Variants in CADM1 observed in about 807,000 individuals in gnomAD.
CADM1 encodes TSLC-1.
Under a neutral mutation model 53.1 loss-of-function variants are expected in CADM1, and 15 were observed. The observed-to-expected ratio is 0.28, with a 90% CI of 0.19 to 0.44. CADM1 has a LOEUF of 0.44. Among genes scored for constraint, CADM1 ranks in the 20% least tolerant of loss-of-function variants. CADM1 has a pLI of 1.00. For synonymous variants in CADM1, 281 were observed against 243.0 expected (o/e 1.16, Z -1.45); for missense variants, 434 against 611.3 (o/e 0.71, Z 3.06).
At position 115,170,740 on chromosome 11, in the gene CADM1, T is replaced by C. The variant is rs538617925; in HGVS notation, c.*5734A>G. 6.6e-6 allele frequency: 1 copy of C among 152,212 alleles called. No homozygotes were observed. The highest frequency in any genetic ancestry group is 1.5e-5 in the Non-Finnish European group (1 of 68,056). The allele number at this position is 152,212 out of a possible 1,614,324, so 9.4% of individuals were successfully genotyped here. A position where few individuals can be genotyped will look rare whatever the true frequency, so the allele number is the denominator to read the frequency against. On this transcript the variant is annotated 3_prime_UTR_variant, in exon 12 of 12. Coordinates refer to ENST00000331581, the MANE Select transcript of CADM1 (RefSeq NM_001301043.2). ...TGCATTCTGAAGGCCCCTCACAATA[T>C]ATGATAGCAATACTAAGGCTTTGCT...
At chr11:115,340,472 C>T (rs1310995241) in intron 1 of CADM1, among the ~76,000 whole-genome samples, 5 of 142,766 alleles carry the variant, frequency 3.5e-5, no homozygotes, top group Admixed American at 2.1e-4. Context: ...ATGAAGCTTA[C>T]TCAGTTGCTG....
intron 1 of CADM1, among the ~76,000 whole-genome samples, chr11:115,380,015 T>G (rs187847028): frequency 5.9e-5 from 9 of 152,204 alleles, no homozygotes; most frequent in African/African-American, 2.2e-4. Context: ...CTATTTGAAG[T>G]CAGTTCTGAA....
At chr11:115,364,984 G>A (rs1384255990) in intron 1 of CADM1, among the ~76,000 whole-genome samples, 1 of 152,104 alleles carries the variant, frequency 6.6e-6, no homozygotes, top group Non-Finnish European at 1.5e-5. Flanking sequence ...GCTATTTGTA[G>A]ATGTTTATGG....
At chr11:115,352,303 G>A (rs1041505888) in intron 1 of CADM1, among the ~76,000 whole-genome samples, 2 of 152,120 alleles carry the variant, frequency 1.3e-5, no homozygotes, top group Non-Finnish European at 2.9e-5. Context: ...TTGTCAGCAC[G>A]GAATGATGAT....
rs149195128 is a variant in CADM1 at position 115,248,841 on chromosome 11, T to A, written c.125-8421A>T. Among the ~76,000 whole-genome samples the A allele has an allele frequency of 2.5e-3, 388 of 152,312 alleles. 2 individuals carry two copies. Among genetic ancestry groups the A allele is most frequent in the African/African-American group, 8.9e-3 (368 of 41,576 alleles). On this transcript the variant is annotated intron_variant, in intron 1 of 11. Transcript: ENST00000331581. ...TAGAAAAGCCACTATTTCATTTGTT[T>A]GTGAGATGGCATTGAAATCACCTTG...
chr11:115,383,011 C>G lies in CADM1; in HGVS notation c.124+121260G>C, dbSNP rs180891129. Among the ~76,000 whole-genome samples, 86 of 152,268 alleles carry G rather than the reference C, an allele frequency of 5.6e-4. 1 individual carries two copies. Among genetic ancestry groups the G allele is most frequent in the African/African-American group, 2.0e-3 (83 of 41,552 alleles). On this transcript the variant is annotated intron_variant, in intron 1 of 11. Coordinates refer to ENST00000331581, the MANE Select transcript of CADM1 (RefSeq NM_001301043.2). The stretch of plus-strand genomic sequence containing the variant: ...TTAAAAGCTCTCACAATAGGCTAGC[C>G]CTTCTTAAAACTCTGACATATCTTA...
At chr11:115,390,324 A>C (rs1444990598) in intron 1 of CADM1, among the ~76,000 whole-genome samples, 1 of 151,884 alleles carries the variant, frequency 6.6e-6, no homozygotes, top group Non-Finnish European at 1.5e-5. Context: ...AAGCCCAATT[A>C]TATTGGGAAA....
intron 5 of CADM1, among the ~76,000 whole-genome samples, chr11:115,228,795 G>A (rs978862180): frequency 6.6e-6 from 1 of 152,038 alleles, no homozygotes. Context: ...TAAAAAAAGG[G>A]GGAAAATTAC....
intron 7 of CADM1, among the ~76,000 whole-genome samples, chr11:115,211,998 TG>T (rs1940987868): frequency 1.3e-5 from 2 of 152,210 alleles, no homozygotes; most frequent in Non-Finnish European, 2.9e-5. Flanking sequence ...TTATCACGAC[TG>T]GGGCAACTGT....
intron 1 of CADM1, among the ~76,000 whole-genome samples, chr11:115,430,189 T>C (rs1162727289): frequency 6.6e-6 from 1 of 152,216 alleles, no homozygotes; most frequent in East Asian, 1.9e-4. Context: ...AATGCATGAC[T>C]TATTCATAAG....
At chr11:115,373,458 G>T (rs1334643209) in intron 1 of CADM1, among the ~76,000 whole-genome samples, 1 of 151,692 alleles carries the variant, frequency 6.6e-6, no homozygotes, top group Non-Finnish European at 1.5e-5. Flanking sequence ...GGTGGTGCAC[G>T]CCTGTAGTCT....
intron 1 of CADM1, among the ~76,000 whole-genome samples, chr11:115,420,045 G>A (rs1328933200): frequency 6.6e-6 from 1 of 152,024 alleles, no homozygotes; most frequent in Admixed American, 6.6e-5. Flanking sequence ...TGTATACCTG[G>A]GGTGCTTTTT....
intron 1 of CADM1, among the ~76,000 whole-genome samples, chr11:115,403,759 G>T (rs1057333474): frequency 6.6e-6 from 1 of 151,588 alleles, no homozygotes; most frequent in African/African-American, 2.4e-5. Context: ...ATCATACCTG[G>T]CTAATTTTTG....
intron 1 of CADM1, among the ~76,000 whole-genome samples, chr11:115,296,430 A>T (rs544408421): frequency 8.6e-5 from 13 of 152,002 alleles, no homozygotes; most frequent in Non-Finnish European, 1.9e-4. Flanking sequence ...CCTCATGAAC[A>T]TCTTGGTGCT....
intron 3 of CADM1, among the ~76,000 whole-genome samples, chr11:115,237,271 C>A (rs1942041757): frequency 6.6e-6 from 1 of 152,104 alleles, no homozygotes; most frequent in Admixed American, 6.6e-5. Context: ...GGAGTAAAAC[C>A]ACAATAGTGA....
chr11:115,416,698 T>TACACACAC (rs34112529), intron 1 of CADM1, among the ~76,000 whole-genome samples: 2,880 of 141,430 alleles, frequency 0.02, 30 homozygotes, highest in African/African-American at 0.04. Context: ...AAGGATTAAA[T>TACACACAC]ACACACACAC....
intron 1 of CADM1, among the ~76,000 whole-genome samples, chr11:115,243,769 A>G (rs557318029): frequency 3.3e-5 from 5 of 152,344 alleles, no homozygotes; most frequent in Admixed American, 3.3e-4. Context: ...GGGTACAAAC[A>G]GGCAACTTTG....
chr11:115,496,486 T>C (rs1277051727), intron 1 of CADM1, among the ~76,000 whole-genome samples: 1 of 152,132 alleles, frequency 6.6e-6, no homozygotes, highest in Non-Finnish European at 1.5e-5. Context: ...AGCTGAAAAG[T>C]AATAAGAAAT....
rs546498057 is a variant in CADM1, at chr11:115,497,119, A to G, written c.124+7152T>C. ...AGGAATCAGAGCACCTACCTTCCCAAGGAAGTCTGCCAAGAGCAAGATACT... is the reference window on the plus strand; with the variant it reads ...AGGAATCAGAGCACCTACCTTCCCAGGGAAGTCTGCCAAGAGCAAGATACT... On this transcript the variant is annotated intron_variant, in intron 1 of 11. Coordinates refer to ENST00000331581, the MANE Select transcript of CADM1 (RefSeq NM_001301043.2). Among the ~76,000 whole-genome samples, 4 of 152,318 alleles carry G rather than the reference A, an allele frequency of 2.6e-5. No homozygotes were observed. In the East Asian group the frequency reaches 5.8e-4, roughly 22 times the overall value.
Sources: gnomAD v4.1 joint callset for allele counts (sites outside exome capture counted in the v4.1 genomes callset) on GRCh38, gnomAD v4.1.1 for gene constraint, MANE v1.5 for transcripts, NCBI Gene and HGNC (gene_info 2026-07-23, HGNC 2026-07-21) for gene names.